PRIM2: variants seen among roughly 807,000 people sequenced by gnomAD.
The protein encoded by PRIM2 is DNA primase subunit 2, also known as DNA primase large subunit.
A neutral mutation model predicts 67.3 loss-of-function variants in PRIM2; 39 were observed. The observed-to-expected ratio is 0.58, with a 90% CI of 0.45 to 0.76. The LOEUF is 0.76. Among genes scored for constraint, PRIM2 ranks in the 30% least tolerant of loss-of-function variants. PRIM2 has a pLI of 0.00. For synonymous variants in PRIM2, 143 were observed against 198.7 expected (o/e 0.72, Z 2.36); for missense variants, 398 against 598.7 (o/e 0.66, Z 3.50).
chr6:57,360,804 G>A (rs1769171536), intron 5 of PRIM2, among the ~76,000 whole-genome samples: 1 of 152,126 alleles, frequency 6.6e-6, no homozygotes, highest in South Asian at 2.1e-4. Context: ...TAATAATTTT[G>A]CCCTTTTTTT....
the PRIM2 span, among the ~76,000 whole-genome samples, chr6:57,243,204 C>T: frequency 1.3e-5 from 2 of 152,164 alleles, no homozygotes; most frequent in Non-Finnish European, 2.9e-5. Context: ...ACTACCTAAC[C>T]CTTTCCCCTC....
At chr6:57,387,029 A>C (rs1439431150) in intron 7 of PRIM2, among the ~76,000 whole-genome samples, 1 of 152,178 alleles carries the variant, frequency 6.6e-6, no homozygotes, top group African/African-American at 2.4e-5. Flanking sequence ...AGGACTGATA[A>C]AAAATTGACA....
chr6:57,285,988 G>A, the PRIM2 span, among the ~76,000 whole-genome samples: 1 of 152,108 alleles, frequency 6.6e-6, no homozygotes, highest in African/African-American at 2.4e-5. Flanking sequence ...GCCAAATCAT[G>A]AGTGAACTCC....
At chr6:57,227,505 G>C in the PRIM2 span, among the ~76,000 whole-genome samples, 1 of 151,934 alleles carries the variant, frequency 6.6e-6, no homozygotes, top group African/African-American at 2.4e-5. Context: ...TTAGCTGGGC[G>C]TTGTGGCGCA....
At chr6:57,336,062 G>A (rs1478253838) in intron 5 of PRIM2, among the ~76,000 whole-genome samples, 3 of 152,278 alleles carry the variant, frequency 2.0e-5, no homozygotes, top group Admixed American at 1.3e-4. Flanking sequence ...CGTGAAGAAT[G>A]CAGAAGCCTC....
chr6:57,447,146 G>A (rs918085456), intron 7 of PRIM2, among the ~76,000 whole-genome samples: 14 of 152,206 alleles, frequency 9.2e-5, no homozygotes, highest in African/African-American at 3.4e-4. Flanking sequence ...TAAAGTATGC[G>A]ATACATGAAA....
chr6:57,638,185 C>T (rs1468991355), intron 13 of PRIM2, among the ~76,000 whole-genome samples: 1 of 152,186 alleles, frequency 6.6e-6, no homozygotes, highest in Non-Finnish European at 1.5e-5. Context: ...AAATCCTTTA[C>T]AGACAAGCAA....
rs769679198 is a variant in PRIM2 at position 57,318,512 on chromosome 6, C to A, written c.67C>A (p.Pro23Thr). 5.0e-6 allele frequency: 8 copies of A among 1,606,162 alleles called. No individual in the cohort carries two copies. The highest frequency in any genetic ancestry group is 2.7e-5 in the African/African-American group (2 of 74,756). ...AGGTGACCAGAGGAATGCTTCCTAC[C>A]CTCATTGCCTTCAGTTTTACTTGCA... is the stretch of plus-strand genomic sequence containing the variant. ...LAGDQRNASY[P>T]HCLQFYLQPP... The change falls in exon 2 of 14, where the codon CCT becomes ACT. Residue 23 changes from proline to threonine, a missense_variant. Pro to Thr is a conservative substitution (Grantham distance 38, BLOSUM62 -1). This residue lies in a region of PRIM2 where 96 missense variants were observed against 98.3 expected (regional missense o/e 0.98). Transcript: ENST00000615550.
intron 10 of PRIM2, among the ~76,000 whole-genome samples, chr6:57,582,121 G>T (rs1382455910): frequency 2.0e-5 from 3 of 152,330 alleles, no homozygotes; most frequent in African/African-American, 7.2e-5. Flanking sequence ...GACCATGCCT[G>T]TTAGAAAGGT....
chr6:57,506,936 G>A (rs1317907929), intron 7 of PRIM2, among the ~76,000 whole-genome samples: 3 of 152,068 alleles, frequency 2.0e-5, no homozygotes, highest in Non-Finnish European at 2.9e-5. Context: ...ATACACTTCT[G>A]TATGTAACCA....
intron 8 of PRIM2, among the ~76,000 whole-genome samples, chr6:57,520,482 A>G (rs1434604877): frequency 6.6e-6 from 1 of 152,214 alleles, no homozygotes. Context: ...TATTACTAGA[A>G]TATATACTAA....
At chr6:57,298,455 T>C in the PRIM2 span, among the ~76,000 whole-genome samples, 2 of 151,998 alleles carry the variant, frequency 1.3e-5, no homozygotes, top group East Asian at 3.9e-4. Flanking sequence ...GCTGAGGGAA[T>C]GACGAGAACA....
intron 7 of PRIM2, among the ~76,000 whole-genome samples, chr6:57,444,119 A>G (rs142439951): frequency 3.4e-4 from 51 of 152,168 alleles, no homozygotes; most frequent in African/African-American, 1.2e-3. Flanking sequence ...GCCAATTTTT[A>G]TTGGCCAAAA....
chr6:57,523,785 C>G (rs1477036382), intron 8 of PRIM2, among the ~76,000 whole-genome samples: 1 of 152,030 alleles, frequency 6.6e-6, no homozygotes, highest in Non-Finnish European at 1.5e-5. Flanking sequence ...GTAATTTCTG[C>G]TTTTTGTTTT....
Position 57,513,619 on chromosome 6 carries a change from C to T in PRIM2, c.761+6165C>T, listed in dbSNP as rs1554347921. ...GTAATAGTTGCTATTATTGGCTGGA[C>T]GCGGTGGCTTACGCCTGTAAACCCA... is the stretch of plus-strand genomic sequence containing the variant. On this transcript the variant is annotated intron_variant, in intron 8 of 13. Transcript: ENST00000615550. 5.9e-5 allele frequency among the ~76,000 whole-genome samples: 9 copies of T among 152,148 alleles called. No homozygotes were observed. The South Asian group carries it at 1.0e-3, about 17-fold the overall frequency.
chr6:57,301,989 A>AC, the PRIM2 span, among the ~76,000 whole-genome samples: 3 of 152,208 alleles, frequency 2.0e-5, no homozygotes, highest in African/African-American at 7.2e-5. Flanking sequence ...TAGGCACTTC[A>AC]GAAGACATTC....
Position 57,449,911 on chromosome 6 carries a change from A to G in PRIM2, c.694-57476A>G, listed in dbSNP as rs1772485371. Among the ~76,000 whole-genome samples the G allele has an allele frequency of 6.6e-5, 10 of 152,298 alleles. No homozygotes were observed. In the South Asian group the frequency reaches 1.9e-3, roughly 28 times the overall value. On this transcript the variant is annotated intron_variant, in intron 7 of 13. Coordinates refer to ENST00000615550, the MANE Select transcript of PRIM2 (RefSeq NM_000947.5). Reference sequence around the variant, plus strand: ...GAAGACAGATTCATTTAGTGCTTGAATAGTAAAATTCAGACTGTGTCACTC... The same window carrying G: ...GAAGACAGATTCATTTAGTGCTTGAGTAGTAAAATTCAGACTGTGTCACTC...
chr6:57,510,099 C>T (rs1285825760), intron 8 of PRIM2, among the ~76,000 whole-genome samples: 2 of 151,830 alleles, frequency 1.3e-5, no homozygotes, highest in African/African-American at 4.8e-5. Flanking sequence ...CCCATGCCTT[C>T]TTCTGTATTA....
intron 5 of PRIM2, among the ~76,000 whole-genome samples, chr6:57,339,956 A>C (rs1429118061): frequency 2.6e-5 from 4 of 151,898 alleles, no homozygotes; most frequent in African/African-American, 4.8e-5. Flanking sequence ...CAACCTACTC[A>C]TCTGACAAAG....
Sources: gnomAD v4.1 joint callset for allele counts (sites outside exome capture counted in the v4.1 genomes callset) on GRCh38, gnomAD v4.1.1 for gene constraint, gnomAD v4.1.1 regional missense constraint, MANE v1.5 for transcripts, NCBI Gene and HGNC (gene_info 2026-07-23, HGNC 2026-07-21) for gene names.